The following NCAM1 variants were observed in gnomAD, a reference collection of about 807,000 sequenced individuals.
NCAM1 encodes neural cell adhesion molecule 1, also known as antigen recognized by monoclonal antibody 5.1H11.
Under a neutral mutation model 109.8 loss-of-function variants are expected in NCAM1, and 14 were observed. The observed-to-expected ratio is 0.13, with a 90% CI of 0.08 to 0.20. NCAM1 has a LOEUF of 0.20. Ranked by LOEUF, NCAM1 falls within the 10% of genes least tolerant of loss-of-function variation. The probability of loss-of-function intolerance (pLI) is 1.00; values close to 1 mark genes in which losing one functional copy is unlikely to be tolerated. For synonymous variants in NCAM1, 418 were observed against 442.9 expected (o/e 0.94, Z 0.70); for missense variants, 774 against 1,109.9 (o/e 0.70, Z 4.30).
intron 1 of NCAM1, among the ~76,000 whole-genome samples, chr11:113,076,379 T>C (rs1555086123): frequency 6.6e-6 from 1 of 152,176 alleles, no homozygotes; most frequent in Non-Finnish European, 1.5e-5. Flanking sequence ...TTGCTCATTT[T>C]TCCACCCAAA....
intron 1 of NCAM1, among the ~76,000 whole-genome samples, chr11:113,103,048 T>C (rs914763859): frequency 6.6e-6 from 1 of 152,224 alleles, no homozygotes; most frequent in Non-Finnish European, 1.5e-5. Flanking sequence ...TCTGGTTAAG[T>C]ACAGGATAGT....
chr11:113,022,605 T>A (rs1002476796), intron 1 of NCAM1, among the ~76,000 whole-genome samples: 1 of 152,208 alleles, frequency 6.6e-6, no homozygotes, highest in Admixed American at 6.5e-5. Context: ...ATGCTGGTGT[T>A]AGTTAGGATT....
chr11:113,083,674 TC>T (rs1938948919), intron 1 of NCAM1, among the ~76,000 whole-genome samples: 1 of 152,116 alleles, frequency 6.6e-6, no homozygotes, highest in Non-Finnish European at 1.5e-5. Context: ...TGCTTTTCGG[TC>T]CCCCAAGAAT....
In NCAM1 at chr11:113,145,182, G is replaced by A. The variant is rs532958806; in HGVS notation, c.53-57197G>A. Among the ~76,000 whole-genome samples, 6 of 152,284 alleles carry A rather than the reference G, an allele frequency of 3.9e-5. No homozygotes were observed. The South Asian group carries it at 1.2e-3, about 32-fold the overall frequency. ...TTTACTGACCCCAGAAATGCCAATA[G>A]CAGCTGCCTTATCTTCAAATGTAAA... On this transcript the variant is annotated intron_variant, in intron 1 of 19. Transcript: ENST00000316851.
rs184452877 is a variant in NCAM1 at position 113,210,050 on chromosome 11, C to T, written c.916+2048C>T. ...CAGATAGATCCCCAGCACCCACATG[C>T]ATTAGGCACTAGATTGAATAAATGA... On this transcript the variant is annotated intron_variant, in intron 7 of 19. Coordinates refer to ENST00000316851, the MANE Select transcript of NCAM1 (RefSeq NM_181351.5). 3.3e-5 allele frequency among the ~76,000 whole-genome samples: 5 copies of T among 152,292 alleles called. No individual in the cohort carries two copies. In the East Asian group the frequency reaches 9.6e-4, roughly 29 times the overall value.
chr11:113,149,080 C>A (rs186615592), intron 1 of NCAM1, among the ~76,000 whole-genome samples: 68 of 152,310 alleles, frequency 4.5e-4, no homozygotes, highest in African/African-American at 1.5e-3. Context: ...CCAAAGGGAA[C>A]AAATTGCCTA....
intron 8 of NCAM1, among the ~76,000 whole-genome samples, chr11:113,219,313 C>A (rs144891690): frequency 6.0e-4 from 92 of 152,322 alleles, no homozygotes; most frequent in African/African-American, 2.2e-3. Context: ...CCAGGGCCCG[C>A]TTTTAAACAC....
rs1946440434 is a variant in NCAM1 at position 113,278,017 on chromosome 11, T to C, written c.*2630T>C. ...CTCCAGTTTCCAATGTCTATGTGTC[T>C]ATGTGTGTATGTGCCATACATATGT... On this transcript the variant is annotated 3_prime_UTR_variant, in exon 20 of 20. Coordinates refer to ENST00000316851, the MANE Select transcript of NCAM1 (RefSeq NM_181351.5). The C allele has an allele frequency of 6.6e-6, 1 of 152,220 alleles. No individual in the cohort carries two copies. Among genetic ancestry groups the C allele is most frequent in the Non-Finnish European group, 1.5e-5 (1 of 68,048 alleles). 9.4% of individuals were successfully genotyped at this position (152,220 alleles called of 1,614,324 possible).
intron 1 of NCAM1, among the ~76,000 whole-genome samples, chr11:113,163,333 T>A (rs1555104736): frequency 6.6e-6 from 1 of 152,210 alleles, no homozygotes; most frequent in African/African-American, 2.4e-5. Context: ...GCATCAGTAT[T>A]GGCTCAGCAG....
chr11:113,167,543 T>TTTA (rs1942845686), intron 1 of NCAM1, among the ~76,000 whole-genome samples: 1 of 143,908 alleles, frequency 6.9e-6, no homozygotes. Flanking sequence ...TTTTTTTAAT[T>TTTA]AAAAAAAAAA....
chr11:113,243,317 C>G (rs1945395066), intron 14 of NCAM1, among the ~76,000 whole-genome samples: 1 of 152,104 alleles, frequency 6.6e-6, no homozygotes, highest in Admixed American at 6.5e-5. Context: ...AAGGAAGGAG[C>G]CGCTGCTTCC....
intron 8 of NCAM1, among the ~76,000 whole-genome samples, chr11:113,219,210 T>C (rs1944617578): frequency 6.6e-6 from 1 of 152,210 alleles, no homozygotes; most frequent in Non-Finnish European, 1.5e-5. Flanking sequence ...TGACAGAATA[T>C]CCCACAAGTA....
chr11:113,266,672 T>A (rs1012308003), intron 17 of NCAM1, among the ~76,000 whole-genome samples: 2 of 152,174 alleles, frequency 1.3e-5, no homozygotes, highest in Non-Finnish European at 2.9e-5. Context: ...TCTGAATTGT[T>A]AACAAACACC....
At chr11:113,245,797 G>A (rs1164763030) in intron 14 of NCAM1, among the ~76,000 whole-genome samples, 2 of 152,120 alleles carry the variant, frequency 1.3e-5, no homozygotes, top group African/African-American at 2.4e-5. Context: ...ACAATCTTTT[G>A]TTCTTCTAGG....
intron 1 of NCAM1, among the ~76,000 whole-genome samples, chr11:113,162,240 A>G (rs1942625616): frequency 6.6e-6 from 1 of 152,180 alleles, no homozygotes; most frequent in African/African-American, 2.4e-5. Flanking sequence ...AAATATCAAA[A>G]CATGATATTA....
At chr11:113,000,377 A>T (rs887861540) in intron 1 of NCAM1, among the ~76,000 whole-genome samples, 2 of 152,150 alleles carry the variant, frequency 1.3e-5, no homozygotes, top group Admixed American at 1.3e-4. Flanking sequence ...CTATCTAGTA[A>T]AATTGGGGTA....
intron 10 of NCAM1, 33 bp from the exon 11 acceptor site, chr11:113,232,137 A>G (rs1484268207): frequency 8.4e-6 from 13 of 1,541,618 alleles, no homozygotes; most frequent in Non-Finnish European, 1.1e-5. Flanking sequence ...TAATCATGGC[A>G]GTCATCCTGA....
chr11:113,035,196 C>A (rs1555078976), intron 1 of NCAM1, among the ~76,000 whole-genome samples: 1 of 152,098 alleles, frequency 6.6e-6, no homozygotes. Flanking sequence ...TAACTAGGGC[C>A]CATTTTGTTA....
intron 1 of NCAM1, among the ~76,000 whole-genome samples, chr11:113,181,930 T>C (rs913166299): frequency 6.6e-6 from 1 of 152,176 alleles, no homozygotes; most frequent in Admixed American, 6.5e-5. Context: ...TTTTTTGAAA[T>C]TAGCCCTAGG....
Sources: gnomAD v4.1 joint callset for allele counts (sites outside exome capture counted in the v4.1 genomes callset) on GRCh38, gnomAD v4.1.1 for gene constraint, MANE v1.5 for transcripts, NCBI Gene and HGNC (gene_info 2026-07-23, HGNC 2026-07-21) for gene names.